The following FYB1 variants were observed in gnomAD, a reference collection of about 807,000 sequenced individuals.
The protein encoded by FYB1 is FYN binding protein 1, also known as FYN-binding protein 1.
In FYB1, 41 loss-of-function variants were observed where a neutral mutation model predicts 94.1. That is an observed-to-expected ratio of 0.44 (90% CI 0.34 to 0.57). The LOEUF is 0.57. Among genes scored for constraint, FYB1 ranks in the 20% least tolerant of loss-of-function variants. FYB1 has a pLI of 0.02. For missense variants in FYB1, 1,050 were observed against 976.8 expected (o/e 1.07, Z -1.00); for synonymous variants, 367 against 353.2 (o/e 1.04, Z -0.44).
intron 2 of FYB1, among the ~76,000 whole-genome samples, chr5:39,162,331 A>C (rs1439411621): frequency 6.6e-6 from 1 of 152,210 alleles, no homozygotes; most frequent in Non-Finnish European, 1.5e-5. Context: ...GCAAGCATAA[A>C]TGTACCTGTA....
chr5:39,239,830 C>CA (rs1280744800), intron 1 of FYB1, among the ~76,000 whole-genome samples: 1 of 151,980 alleles, frequency 6.6e-6, no homozygotes, highest in Non-Finnish European at 1.5e-5. Context: ...CACATGGAAC[C>CA]AAAAAAGAGC....
chr5:39,156,649 G>T (rs890887068), intron 2 of FYB1, among the ~76,000 whole-genome samples: 1 of 152,098 alleles, frequency 6.6e-6, no homozygotes, highest in African/African-American at 2.4e-5. Flanking sequence ...AAAACGGGTG[G>T]TCACTTTCAA....
intron 2 of FYB1, among the ~76,000 whole-genome samples, chr5:39,194,224 T>C (rs1372934459): frequency 1.3e-5 from 2 of 152,106 alleles, no homozygotes; most frequent in Non-Finnish European, 2.9e-5. Flanking sequence ...AGACTGCTTA[T>C]AAAAATGAAA....
chr5:39,172,157 T>A (rs768383879), intron 2 of FYB1, among the ~76,000 whole-genome samples: 22 of 152,038 alleles, frequency 1.4e-4, no homozygotes, highest in Non-Finnish European at 2.9e-4. Context: ...TTTAAAAAAA[T>A]AATTTTGGCC....
chr5:39,203,050 A>T, intron 1 of FYB1, 63 bp from the exon 2 acceptor site: 1 of 1,413,302 alleles, frequency 7.1e-7, no homozygotes, highest in Non-Finnish European at 9.8e-7. Context: ...AGTTTAAAAT[A>T]CTATACCTTA....
chr5:39,173,161 G>T (rs780803008), intron 2 of FYB1, among the ~76,000 whole-genome samples: 1 of 152,034 alleles, frequency 6.6e-6, no homozygotes, highest in Admixed American at 6.5e-5. Context: ...GTGTGAGATC[G>T]TTTCTCATTA....
intron 2 of FYB1, among the ~76,000 whole-genome samples, chr5:39,162,759 C>T (rs1744372178): frequency 6.6e-6 from 1 of 151,148 alleles, no homozygotes; most frequent in Admixed American, 6.6e-5. Flanking sequence ...CCTGTTTTAC[C>T]ATAACTTCAC....
intron 2 of FYB1, among the ~76,000 whole-genome samples, chr5:39,156,730 A>T (rs1477701271): frequency 6.6e-6 from 1 of 152,170 alleles, no homozygotes; most frequent in African/African-American, 2.4e-5. Flanking sequence ...TTTCTGGAGG[A>T]AAAAACCAGT....
chr5:39,253,464 T>C (rs1751811297), intron 1 of FYB1, among the ~76,000 whole-genome samples: 1 of 151,802 alleles, frequency 6.6e-6, no homozygotes, highest in Non-Finnish European at 1.5e-5. Flanking sequence ...CAACAAAATC[T>C]TTTTTTTAAA....
rs377592513 is a variant in FYB1 at position 39,187,930 on chromosome 5, G to A, written c.1135+13896C>T. On this transcript the variant is annotated intron_variant, in intron 2 of 18. Transcript: ENST00000512982. ...CTCAAGCCAATGCAGGGCAGAAGGG[G>A]GAACAAAGACATGAAAATGAAAGGG... Among the ~76,000 whole-genome samples, 9 of 152,118 alleles carry A rather than the reference G, an allele frequency of 5.9e-5. No homozygotes were observed. The East Asian group carries it at 1.5e-3, about 26-fold the overall frequency.
intron 1 of FYB1, among the ~76,000 whole-genome samples, chr5:39,232,368 A>G (rs1336330203): frequency 6.6e-6 from 1 of 152,098 alleles, no homozygotes; most frequent in African/African-American, 2.4e-5. Context: ...TGCTCTGGGC[A>G]CCACTCTACC....
chr5:39,235,818 A>G (rs1253839553), intron 1 of FYB1, among the ~76,000 whole-genome samples: 2 of 152,040 alleles, frequency 1.3e-5, no homozygotes, highest in South Asian at 2.1e-4. Flanking sequence ...ATATTTCTCA[A>G]CAAAACTGTT....
chr5:39,179,008 C>T (rs950751656), intron 2 of FYB1, among the ~76,000 whole-genome samples: 3 of 152,158 alleles, frequency 2.0e-5, no homozygotes, highest in Non-Finnish European at 2.9e-5. Context: ...ATGTAAATGT[C>T]GGCTTGTTTG....
intron 1 of FYB1, among the ~76,000 whole-genome samples, chr5:39,252,080 G>A (rs934305783): frequency 2.0e-5 from 3 of 152,146 alleles, no homozygotes; most frequent in Non-Finnish European, 4.4e-5. Context: ...GGGAGGCGGA[G>A]CTTGCAGTGA....
intron 2 of FYB1, among the ~76,000 whole-genome samples, chr5:39,182,486 A>C (rs553324329): frequency 6.6e-6 from 1 of 152,212 alleles, no homozygotes; most frequent in East Asian, 1.9e-4. Context: ...TTAATATAAA[A>C]TTTTAATTAC....
At chr5:39,264,030 C>T (rs558420945) in intron 1 of FYB1, among the ~76,000 whole-genome samples, 4 of 152,234 alleles carry the variant, frequency 2.6e-5, no homozygotes, top group South Asian at 4.1e-4. Context: ...GAAGGTGAGG[C>T]CTTTGGGGAG....
At chr5:39,115,504 T>G (rs1440853368) in intron 16 of FYB1, among the ~76,000 whole-genome samples, 2 of 151,978 alleles carry the variant, frequency 1.3e-5, no homozygotes, top group Non-Finnish European at 2.9e-5. Flanking sequence ...TGATAAAGAG[T>G]TTTATGTGCT....
chr5:39,144,626 A>AC, intron 3 of FYB1, among the ~76,000 whole-genome samples: 2 of 152,182 alleles, frequency 1.3e-5, no homozygotes, highest in African/African-American at 4.8e-5. Context: ...ACATGGTGAA[A>AC]CCCCGTCTCT....
At position 39,106,876 on chromosome 5, in the gene FYB1, A is replaced by G. The variant is rs1051473696; in HGVS notation, c.*567T>C. 3 of 152,138 alleles carry G rather than the reference A, an allele frequency of 2.0e-5. No homozygotes were observed. The highest frequency in any genetic ancestry group is 4.4e-5 in the Non-Finnish European group (3 of 67,958). The allele number at this position is 152,138 out of a possible 1,614,324, so 9.4% of individuals were successfully genotyped here. ...TAACAAATAAGGACAAATTTTATAC[A>G]AAACTTCTACTACTGCTATAATTTT... is the stretch of plus-strand genomic sequence containing the variant. On this transcript the variant is annotated 3_prime_UTR_variant, in exon 19 of 19. Coordinates refer to ENST00000512982, the MANE Select transcript of FYB1 (RefSeq NM_001465.6).
Sources: gnomAD v4.1 joint callset for allele counts (sites outside exome capture counted in the v4.1 genomes callset) on GRCh38, gnomAD v4.1.1 for gene constraint, MANE v1.5 for transcripts, NCBI Gene and HGNC (gene_info 2026-07-23, HGNC 2026-07-21) for gene names.